ZNF766: variants seen among roughly 807,000 people sequenced by gnomAD.
ZNF766 encodes zinc finger protein 766.
A neutral mutation model predicts 13.2 loss-of-function variants in ZNF766; 13 were observed. That is an observed-to-expected ratio of 0.98 (90% CI 0.64 to 1.56). The LOEUF (loss-of-function observed/expected upper bound fraction) is 1.56, where lower values mean the gene tolerates loss of function less well. Ranked by LOEUF, ZNF766 falls within the 40% of genes most tolerant of loss-of-function variation. The pLI, the probability that ZNF766 is intolerant of heterozygous loss-of-function variation, is 0.00. For synonymous variants in ZNF766, 178 were observed against 187.6 expected, an observed-to-expected ratio of 0.95 and a Z score of 0.42; for missense variants, 521 against 552.2, an observed-to-expected ratio of 0.94 and a Z score of 0.57.
chr19:52,270,768 T>G (rs951963484), intron 1 of ZNF766, among the ~76,000 whole-genome samples: 8 of 151,452 alleles, frequency 5.3e-5, no homozygotes, highest in African/African-American at 1.9e-4. Context: ...GGAAAAAAAT[T>G]GCAAGATGGA....
rs765617364 is a variant in ZNF766 at position 52,290,659 on chromosome 19, CAG to C, written c.870_871del (p.Lys291AsnfsTer4). The C allele has an allele frequency of 9.9e-6, 16 of 1,613,444 alleles. No individual in the cohort carries two copies. The highest frequency in any genetic ancestry group is 1.4e-5 in the Non-Finnish European group (16 of 1,179,734). ...TCGAATTACATACCTTGTACGACAT[CAG>C]AAAATTCATACTAGAGAGAAACCTC... Reference protein sequence around the residue: ...FSRITYLVRHQKIHTREKPHK... With the variant: ...FSRITYLVRHXKIHTREKPHK... On this transcript the variant is annotated frameshift_variant, in exon 4 of 4. Transcript: ENST00000439461. LOFTEE classifies it low-confidence loss of function (END_TRUNC).
At chr19:52,269,991 C>A (rs1980904907) in intron 1 of ZNF766, among the ~76,000 whole-genome samples, 2 of 152,206 alleles carry the variant, frequency 1.3e-5, no homozygotes, top group Non-Finnish European at 2.9e-5. Flanking sequence ...AGCCGCCATT[C>A]GGGAGGGGCC....
rs143419225 is a variant in ZNF766, at chr19:52,278,012, G to A, written c.19-4099G>A. ...TTGGAGACAAGAGTCTTGCTCTGTC[G>A]TCCAGGCTGGCATACAGTGGTGCAA... On this transcript the variant is annotated intron_variant, in intron 1 of 3. Coordinates refer to ENST00000439461, the MANE Select transcript of ZNF766 (RefSeq NM_001010851.3). Among the ~76,000 whole-genome samples, 318 of 141,000 alleles carry A rather than the reference G, an allele frequency of 2.3e-3. 1 individual carries two copies. Among genetic ancestry groups the A allele is most frequent in the African/African-American group, 7.9e-3 (296 of 37,256 alleles). The allele number at this position is 141,000 out of a possible 152,430, so 92.5% of individuals were successfully genotyped here.
rs1428839389 is a variant in ZNF766, at chr19:52,292,925, C to T, written c.*1727C>T. The T allele has an allele frequency of 6.6e-6, 1 of 152,130 alleles. No individual in the cohort carries two copies. The highest frequency in any genetic ancestry group is 1.5e-5 in the Non-Finnish European group (1 of 68,042). The allele number at this position is 152,130 out of a possible 1,614,324, so 9.4% of individuals were successfully genotyped here. A position where few individuals can be genotyped will look rare whatever the true frequency, so the allele number is the denominator to read the frequency against. On this transcript the variant is annotated 3_prime_UTR_variant, in exon 4 of 4. Coordinates refer to ENST00000439461, the MANE Select transcript of ZNF766 (RefSeq NM_001010851.3). ...TCGTTTGCTGCACCCATCAACTTGT[C>T]ATTTACGTTAGATATTTCTCCTAAT...
At chr19:52,271,453 C>G (rs1448988536) in intron 1 of ZNF766, among the ~76,000 whole-genome samples, 1 of 152,018 alleles carries the variant, frequency 6.6e-6, no homozygotes, top group African/African-American at 2.4e-5. Flanking sequence ...GCCCACCCAC[C>G]TGTCTCAGGG....
intron 1 of ZNF766, among the ~76,000 whole-genome samples, chr19:52,269,967 G>C (rs1028125700): frequency 1.3e-5 from 2 of 152,120 alleles, no homozygotes; most frequent in African/African-American, 4.8e-5. Flanking sequence ...TCGGCCCCTG[G>C]GGCGCAGCGC....
Position 52,291,899 on chromosome 19 carries a change from G to A in ZNF766, c.*701G>A, listed in dbSNP as rs765393021. 1.2e-4 allele frequency: 56 copies of A among 480,688 alleles called. No homozygotes were observed. Among genetic ancestry groups the A allele is most frequent in the Non-Finnish European group, 1.8e-4 (50 of 271,130 alleles). The allele number at this position is 480,688 out of a possible 1,614,324, so 29.8% of individuals were successfully genotyped here. ...AGATAAGTATGGGCAACGTAGCAAG[G>A]CCCATCCCTACAAAATAAAAAAAAT... is the stretch of plus-strand genomic sequence containing the variant. On this transcript the variant is annotated 3_prime_UTR_variant, in exon 4 of 4. Transcript: ENST00000439461.
rs1982278416 is a variant in ZNF766 at position 52,294,731 on chromosome 19, T to C, written c.*3533T>C. On this transcript the variant is annotated 3_prime_UTR_variant, in exon 4 of 4. Transcript: ENST00000439461. ...AATGCAGTCAACTCTAGGACAACTC[T>C]AGCTTCCTCTGGAAGCTCCTGCCAT... 6.6e-6 allele frequency: 1 copy of C among 152,190 alleles called. No individual in the cohort carries two copies. Among genetic ancestry groups the C allele is most frequent in the Admixed American group, 6.5e-5 (1 of 15,282 alleles). 9.4% of individuals were successfully genotyped at this position (152,190 alleles called of 1,614,324 possible).
intron 1 of ZNF766, among the ~76,000 whole-genome samples, chr19:52,280,236 G>A (rs995969946): frequency 5.3e-5 from 8 of 152,022 alleles, no homozygotes; most frequent in Admixed American, 2.6e-4. Flanking sequence ...TATGTGCACC[G>A]TTAGCCCCAG....
At chr19:52,288,876 T>C (rs28601678) in intron 3 of ZNF766, among the ~76,000 whole-genome samples, 40,874 of 151,810 alleles carry the variant, frequency 0.27, 6,205 homozygotes, top group African/African-American at 0.42. Context: ...GATAGAGCCT[T>C]GCTCTGTCAC....
At chr19:52,282,023 GAGTC>G (rs1981550836) in intron 1 of ZNF766, 84 bp from the exon 2 acceptor site, 2 of 1,495,824 alleles carry the variant, frequency 1.3e-6, no homozygotes, top group African/African-American at 2.8e-5. Context: ...CACTTCAGTT[GAGTC>G]AGTCCTTACA....
At chr19:52,272,773 A>G (rs558800065) in intron 1 of ZNF766, among the ~76,000 whole-genome samples, 12 of 152,098 alleles carry the variant, frequency 7.9e-5, no homozygotes, top group Middle Eastern at 3.4e-3. Flanking sequence ...ACCTGTCTCC[A>G]TGTGCCCTGC....
rs1333445705 is a variant in ZNF766, at chr19:52,290,436, CAG to C, written c.647_648del (p.Arg216MetfsTer3). ...TAATCCACACTGCAGATAAACCTAA[CAG>C]ATGTCATGAATGTGGTAAAACCGTC... ...QVIHTADKPN[R>X]CHECGKTVRD... is the part of the protein sequence containing the mutation. On this transcript the variant is annotated frameshift_variant, in exon 4 of 4. Transcript: ENST00000439461. LOFTEE classifies it low-confidence loss of function (END_TRUNC). The C allele has an allele frequency of 6.2e-7, 1 of 1,613,916 alleles. No homozygotes were observed. Among genetic ancestry groups the C allele is most frequent in the East Asian group, 2.2e-5 (1 of 44,888 alleles).
rs1982215595 is a variant in ZNF766 at position 52,292,940 on chromosome 19, T to G, written c.*1742T>G. 1.3e-5 allele frequency: 2 copies of G among 152,150 alleles called. No individual in the cohort carries two copies. Among genetic ancestry groups the G allele is most frequent in the Non-Finnish European group, 2.9e-5 (2 of 68,048 alleles). The allele number at this position is 152,150 out of a possible 1,614,324, so 9.4% of individuals were successfully genotyped here. A position where few individuals can be genotyped will look rare whatever the true frequency, so the allele number is the denominator to read the frequency against. On this transcript the variant is annotated 3_prime_UTR_variant, in exon 4 of 4. Transcript: ENST00000439461. ...ATCAACTTGTCATTTACGTTAGATA[T>G]TTCTCCTAATGTTATCCCTCTGCCA...
At chr19:52,274,368 T>A (rs926936506) in intron 1 of ZNF766, 1 of 152,562 alleles carries the variant, frequency 6.6e-6, no homozygotes, top group Non-Finnish European at 1.5e-5. Context: ...AAAATTCCCG[T>A]TGCCTAGCTA....
intron 3 of ZNF766, among the ~76,000 whole-genome samples, chr19:52,287,175 C>G (rs1981874093): frequency 6.6e-6 from 1 of 150,450 alleles, no homozygotes; most frequent in African/African-American, 2.5e-5. Context: ...CGGAGTCTCG[C>G]CCGGTCGCCC....
At position 52,292,832 on chromosome 19, in the gene ZNF766, A is replaced by G. The variant is rs1207421620; in HGVS notation, c.*1634A>G. ...AGGATTTTTAAATTAATTTATTTTT[A>G]AAATTAAAGTTCTAGTGTACATGTC... On this transcript the variant is annotated 3_prime_UTR_variant, in exon 4 of 4. Transcript: ENST00000439461. 6.6e-6 allele frequency: 1 copy of G among 152,222 alleles called. No individual in the cohort carries two copies. The highest frequency in any genetic ancestry group is 2.4e-5 in the African/African-American group (1 of 41,452). The allele number at this position is 152,222 out of a possible 1,614,324, so 9.4% of individuals were successfully genotyped here.
chr19:52,282,062 A>G, intron 1 of ZNF766, 49 bp from the exon 2 acceptor site: 1 of 1,573,520 alleles, frequency 6.4e-7, no homozygotes, highest in South Asian at 1.1e-5. Context: ...TCGTGTGAAC[A>G]TAATTACTCT....
chr19:52,274,187 C>T (rs950318386), intron 1 of ZNF766, among the ~76,000 whole-genome samples: 5 of 151,694 alleles, frequency 3.3e-5, no homozygotes, highest in Admixed American at 6.6e-5. Flanking sequence ...AGTCATCCCT[C>T]GGTATCACGT....
Sources: allele counts gnomAD v4.1 joint callset (sites outside exome capture counted in the v4.1 genomes callset), GRCh38; gene constraint gnomAD v4.1.1; transcripts MANE v1.5; gene names NCBI Gene and HGNC (gene_info 2026-07-23, HGNC 2026-07-21).